The following IL16 variants were observed in gnomAD, a reference collection of about 807,000 sequenced individuals.
IL16 encodes pro-interleukin-16.
IL16 carries 67 observed loss-of-function variants against 110.1 expected under a neutral mutation model. The observed-to-expected ratio is 0.61, with a 90% CI of 0.50 to 0.75. The LOEUF is 0.75. IL16 is among the 30% of genes least tolerant of loss of function. The pLI is 0.00. For synonymous variants in IL16, 689 were observed against 662.9 expected (o/e 1.04, Z -0.61); for missense variants, 1,545 against 1,655.0 (o/e 0.93, Z 1.15).
At chr15:81,217,656 A>G (rs906797570) in intron 1 of IL16, among the ~76,000 whole-genome samples, 3 of 152,206 alleles carry the variant, frequency 2.0e-5, no homozygotes, top group Non-Finnish European at 2.9e-5. Flanking sequence ...CAATCCAGTT[A>G]TCTATTGAAA....
chr15:81,252,790 C>G (rs1282097774), intron 2 of IL16, among the ~76,000 whole-genome samples: 1 of 152,144 alleles, frequency 6.6e-6, no homozygotes, highest in Non-Finnish European at 1.5e-5. Flanking sequence ...CAAGACTCAT[C>G]CATGTTGTAG....
intron 1 of IL16, among the ~76,000 whole-genome samples, chr15:81,212,059 G>T (rs1896266028): frequency 6.6e-6 from 1 of 151,924 alleles, no homozygotes; most frequent in Non-Finnish European, 1.5e-5. Flanking sequence ...TTTTGGAATA[G>T]TTTCGGTAGG....
chr15:81,193,584 G>A (rs1025493163), upstream of IL16, among the ~76,000 whole-genome samples: 2 of 151,648 alleles, frequency 1.3e-5, no homozygotes, highest in Non-Finnish European at 2.9e-5. Flanking sequence ...CCAGAGAGAG[G>A]GCAGCATGGT....
intron 2 of IL16, among the ~76,000 whole-genome samples, chr15:81,229,103 A>G (rs937417106): frequency 3.9e-5 from 6 of 152,182 alleles, no homozygotes; most frequent in African/African-American, 7.2e-5. Context: ...AATGAATTCA[A>G]ACACATTTAT....
At position 81,225,283 on chromosome 15, in the gene IL16, T is replaced by A. The variant is rs562915648; in HGVS notation, c.-101-16T>A. On this transcript the variant is annotated splice_polypyrimidine_tract_variant and intron_variant, in intron 1 of 18. Transcript: ENST00000683961. ...AGCAAGTCACATTGCTTCTTCCCAT[T>A]TCCTCTTTCCTCTAGGGACTCATGA... The A allele has an allele frequency of 1.3e-6, 2 of 1,495,642 alleles. No homozygotes were observed. Among genetic ancestry groups the A allele is most frequent in the Non-Finnish European group, 1.8e-6 (2 of 1,125,820 alleles). The allele number at this position is 1,495,642 out of a possible 1,614,324, so 92.6% of individuals were successfully genotyped here. A position where few individuals can be genotyped will look rare whatever the true frequency, so the allele number is the denominator to read the frequency against.
At chr15:81,232,523 T>C (rs1475517990) in intron 2 of IL16, among the ~76,000 whole-genome samples, 5 of 152,172 alleles carry the variant, frequency 3.3e-5, no homozygotes, top group Non-Finnish European at 7.4e-5. Context: ...CTGTTCACAA[T>C]TGGCAGAGGT....
intron 2 of IL16, among the ~76,000 whole-genome samples, chr15:81,234,256 A>G (rs552995722): frequency 8.5e-5 from 13 of 152,208 alleles, no homozygotes; most frequent in African/African-American, 2.4e-4. Context: ...TACATTTAAT[A>G]TCATTTCAGA....
At chr15:81,290,252 C>A (rs1899648271) in intron 10 of IL16, among the ~76,000 whole-genome samples, 1 of 152,146 alleles carries the variant, frequency 6.6e-6, no homozygotes, top group Admixed American at 6.5e-5. Flanking sequence ...CATTGATAGA[C>A]TTTGGACTTT....
chr15:81,292,886 C>A lies in IL16; in HGVS notation c.1751C>A (p.Ser584Tyr). 6.2e-7 allele frequency: 1 copy of A among 1,614,194 alleles called. No individual in the cohort carries two copies. Among genetic ancestry groups the A allele is most frequent in the Non-Finnish European group, 8.5e-7 (1 of 1,180,024 alleles). Residue 584 changes from serine (S) to tyrosine (Y), a missense_variant, in exon 12 of 19, where the codon TCC becomes TAC. Physicochemically the swap from Ser to Tyr is moderately radical, Grantham distance 144. This residue lies in a region of IL16 where 1,185 missense variants were observed against 1,238.8 expected (regional missense o/e 0.96). Transcript: ENST00000683961. ...CACCCGCCGCTGAGACTGAAGAAAT[C>A]CTTTGAGATTTTGGTGAGAAAGCCT... ...DSHPPLRLKK[S>Y]FEILVRKPMS...
chr15:81,242,668 G>T (rs773226817), intron 2 of IL16, among the ~76,000 whole-genome samples: 1 of 152,152 alleles, frequency 6.6e-6, no homozygotes, highest in Non-Finnish European at 1.5e-5. Context: ...AACAAGGACA[G>T]TTTTATTTCT....
At chr15:81,279,062 T>C (rs1034754161) in intron 7 of IL16, among the ~76,000 whole-genome samples, 172 bp downstream of exon 7, 1 of 152,224 alleles carries the variant, frequency 6.6e-6, no homozygotes, top group Admixed American at 6.5e-5. Flanking sequence ...AAAATAATAG[T>C]GTGATCGGGA....
rs1459091765 is a variant in IL16 at position 81,285,736 on chromosome 15, T to TGCACTGC, written c.1239_1245dup (p.Leu416AlafsTer7). The TGCACTGC allele has an allele frequency of 3.7e-6, 6 of 1,614,160 alleles. No homozygotes were observed. The highest frequency in any genetic ancestry group is 1.7e-6 in the Non-Finnish European group (2 of 1,179,962). ...ATTGTGGAAATCAGTGATTCCCCTG[T>TGCACTGC]GCACTGCCTGACGCTCAATGAAGTC... On this transcript the variant is annotated frameshift_variant, in exon 10 of 19. Transcript: ENST00000683961. LOFTEE classifies it high-confidence loss of function.
intron 2 of IL16, among the ~76,000 whole-genome samples, chr15:81,237,499 G>A (rs1364620704): frequency 6.6e-6 from 1 of 152,124 alleles, no homozygotes. Flanking sequence ...AAATGAATTT[G>A]TAAGATGTAT....
At chr15:81,199,216 A>G (rs1346452345) in intron 1 of IL16, among the ~76,000 whole-genome samples, 1 of 152,112 alleles carries the variant, frequency 6.6e-6, no homozygotes, top group East Asian at 1.9e-4. Context: ...TAGTTCCAAG[A>G]ACTTGGAGTT....
intron 5 of IL16, 35 bp downstream of exon 5, chr15:81,269,683 G>C: frequency 6.8e-7 from 1 of 1,464,322 alleles, no homozygotes; most frequent in Non-Finnish European, 9.6e-7. Flanking sequence ...GAAGTCCTGG[G>C]GGGCAGCACC....
At chr15:81,231,094 T>G (rs952566690) in intron 2 of IL16, among the ~76,000 whole-genome samples, 7 of 151,992 alleles carry the variant, frequency 4.6e-5, no homozygotes, top group Admixed American at 3.3e-4. Context: ...ATCCCAGAAT[T>G]TTGGGAGGCT....
At chr15:81,251,712 G>A (rs1312031409) in intron 2 of IL16, among the ~76,000 whole-genome samples, 1 of 152,172 alleles carries the variant, frequency 6.6e-6, no homozygotes, top group Non-Finnish European at 1.5e-5. Flanking sequence ...GATAGTCATT[G>A]CATATATTAC....
chr15:81,302,324 C>T (rs1900328640), intron 15 of IL16: 1 of 152,356 alleles, frequency 6.6e-6, no homozygotes, highest in Non-Finnish European at 1.5e-5. Context: ...CTGGGACCAT[C>T]ATCCCCCAGG....
rs571796487 is a variant in IL16, at chr15:81,238,953, G to T, written c.312+13242G>T. On this transcript the variant is annotated intron_variant, in intron 2 of 18. Transcript: ENST00000683961. ...CTTAAAAAAATGTGTCCTGACTTCT[G>T]ACCTTCATGTTTTCAGATGTGAAAT... Among the ~76,000 whole-genome samples the T allele has an allele frequency of 2.0e-5, 3 of 149,772 alleles. 1 individual carries two copies. In the South Asian group the frequency reaches 6.3e-4, roughly 31 times the overall value.
Sources: gnomAD v4.1 joint callset for allele counts (sites outside exome capture counted in the v4.1 genomes callset) on GRCh38, gnomAD v4.1.1 for gene constraint, gnomAD v4.1.1 regional missense constraint, MANE v1.5 for transcripts, NCBI Gene and HGNC (gene_info 2026-07-23, HGNC 2026-07-21) for gene names.